ATP6V1H: variants seen among roughly 807,000 people sequenced by gnomAD.
ATP6V1H encodes the protein V-type proton ATPase subunit H.
In ATP6V1H, 39 loss-of-function variants were observed where a neutral mutation model predicts 71.7. The observed-to-expected ratio is 0.54, with a 90% CI of 0.42 to 0.71. The LOEUF is 0.71. Ranked by LOEUF, ATP6V1H falls within the 30% of genes least tolerant of loss-of-function variation. ATP6V1H has a pLI of 0.00. For missense variants in ATP6V1H, 509 were observed against 594.9 expected (o/e 0.86, Z 1.50); for synonymous variants, 192 against 199.3 (o/e 0.96, Z 0.31).
intron 4 of ATP6V1H, among the ~76,000 whole-genome samples, chr8:53,822,767 A>C (rs1445736583): frequency 6.6e-6 from 1 of 152,116 alleles, no homozygotes; most frequent in Non-Finnish European, 1.5e-5. Flanking sequence ...CTTACCTAAA[A>C]CAAAATGATT....
At chr8:53,798,610 A>AACACACACAC (rs59831761) in intron 8 of ATP6V1H, among the ~76,000 whole-genome samples, 53 of 148,566 alleles carry the variant, frequency 3.6e-4, no homozygotes, top group South Asian at 2.1e-3. Flanking sequence ...CAATGTGAGA[A>AACACACACAC]ACACACACAC....
chr8:53,788,410 T>C (rs998100190), intron 9 of ATP6V1H, among the ~76,000 whole-genome samples: 1 of 152,190 alleles, frequency 6.6e-6, no homozygotes, highest in East Asian at 1.9e-4. Context: ...TAGTAACATA[T>C]TCATGCTGTC....
chr8:53,816,656 C>T (rs529662643), intron 5 of ATP6V1H, among the ~76,000 whole-genome samples: 73 of 152,110 alleles, frequency 4.8e-4, no homozygotes, highest in African/African-American at 1.6e-3. Flanking sequence ...ATTAGATGGG[C>T]GTGGTGGCGC....
At chr8:53,782,484 C>A (rs1809187195) in intron 9 of ATP6V1H, among the ~76,000 whole-genome samples, 1 of 151,966 alleles carries the variant, frequency 6.6e-6, no homozygotes, top group Admixed American at 6.5e-5. Context: ...ATGTCATCTG[C>A]AAACAGGGAC....
intron 9 of ATP6V1H, among the ~76,000 whole-genome samples, chr8:53,783,892 C>T (rs977749375): frequency 2.0e-5 from 3 of 152,210 alleles, no homozygotes; most frequent in Non-Finnish European, 2.9e-5. Context: ...TTTGATTGCA[C>T]TGTGGTCTGA....
chr8:53,780,523 A>AT (rs755101229), intron 9 of ATP6V1H, among the ~76,000 whole-genome samples: 6 of 151,508 alleles, frequency 4.0e-5, no homozygotes, highest in Non-Finnish European at 4.4e-5. Context: ...AATATGTTAT[A>AT]TTTTTTTTTC....
chr8:53,735,131 C>T (rs1204715497), intron 13 of ATP6V1H, among the ~76,000 whole-genome samples: 3 of 152,192 alleles, frequency 2.0e-5, no homozygotes, highest in Non-Finnish European at 4.4e-5. Context: ...GCTTATGGAA[C>T]AGCCCCCTTT....
At chr8:53,775,992 G>A (rs1261764167) in intron 9 of ATP6V1H, among the ~76,000 whole-genome samples, 2 of 152,230 alleles carry the variant, frequency 1.3e-5, no homozygotes, top group African/African-American at 2.4e-5. Flanking sequence ...AGGAACCCAC[G>A]GAGGCGGGGA....
At chr8:53,796,805 G>A (rs1394277752) in intron 8 of ATP6V1H, among the ~76,000 whole-genome samples, 2 of 152,098 alleles carry the variant, frequency 1.3e-5, no homozygotes, top group East Asian at 1.9e-4. Flanking sequence ...CTGCACTTTT[G>A]GTTTTTCTGT....
At chr8:53,795,901 A>T (rs894050459) in intron 8 of ATP6V1H, 62 bp from the exon 9 acceptor site, 14 of 1,454,676 alleles carry the variant, frequency 9.6e-6, no homozygotes, top group Non-Finnish European at 1.3e-5. Flanking sequence ...GAAATAAGCA[A>T]TTATTCTCTT....
intron 4 of ATP6V1H, among the ~76,000 whole-genome samples, chr8:53,824,863 T>G (rs1050097139): frequency 1.3e-5 from 2 of 151,932 alleles, no homozygotes; most frequent in Non-Finnish European, 2.9e-5. Context: ...TTACAACTTT[T>G]ATAAATTAGA....
chr8:53,747,027 G>C (rs1394778359), intron 12 of ATP6V1H, among the ~76,000 whole-genome samples: 1 of 152,174 alleles, frequency 6.6e-6, no homozygotes. Context: ...TGCAGCAGCT[G>C]ATGAAACCAA....
chr8:53,762,650 G>C (rs1808307398), intron 11 of ATP6V1H, among the ~76,000 whole-genome samples: 1 of 151,922 alleles, frequency 6.6e-6, no homozygotes, highest in Admixed American at 6.5e-5. Flanking sequence ...ATAGAACAAA[G>C]AATTCATAAA....
intron 3 of ATP6V1H, among the ~76,000 whole-genome samples, chr8:53,830,831 C>A (rs1810981920): frequency 6.6e-6 from 1 of 152,200 alleles, no homozygotes. Context: ...TCTCACCAGG[C>A]ACATGGCAGG....
chr8:53,819,586 A>ATATATAT (rs1585823821), intron 4 of ATP6V1H, among the ~76,000 whole-genome samples: 1 of 113,632 alleles, frequency 8.8e-6, no homozygotes, highest in African/African-American at 3.2e-5. Flanking sequence ...ATATATATAT[A>ATATATAT]AAATACACAC....
In ATP6V1H at chr8:53,800,545, C is replaced by A. The variant is rs140994573; in HGVS notation, c.677+1254G>T. On this transcript the variant is annotated intron_variant, in intron 8 of 13. Coordinates refer to ENST00000359530, the MANE Select transcript of ATP6V1H (RefSeq NM_015941.4). ...TCTCTAGATAGCTATATCATAAATG[C>A]ATTTACTCAAACTCAGGAACTGATA... 2.2e-3 allele frequency among the ~76,000 whole-genome samples: 339 copies of A among 152,236 alleles called. 2 individuals are homozygous for A. The highest frequency in any genetic ancestry group is 7.9e-3 in the African/African-American group (327 of 41,554).
Position 53,785,406 on chromosome 8 carries a change from T to C in ATP6V1H, c.870+10241A>G, listed in dbSNP as rs1809338412. ...AGCTCCATCAGGTCCTTTAAGGACTTCTCTGCATTGGTTATTCTAGTTAGC... is the reference window on the plus strand; with the variant it reads ...AGCTCCATCAGGTCCTTTAAGGACTCCTCTGCATTGGTTATTCTAGTTAGC... On this transcript the variant is annotated intron_variant, in intron 9 of 13. Transcript: ENST00000359530. 2.0e-5 allele frequency among the ~76,000 whole-genome samples: 3 copies of C among 152,240 alleles called. 1 individual carries two copies. The highest frequency in any genetic ancestry group is 2.0e-4 in the Admixed American group (3 of 15,286).
At chr8:53,736,533 T>C (rs1807208684) in intron 13 of ATP6V1H, among the ~76,000 whole-genome samples, 1 of 152,224 alleles carries the variant, frequency 6.6e-6, no homozygotes, top group Non-Finnish European at 1.5e-5. Context: ...AATCATACAG[T>C]TGAAATAATC....
intron 13 of ATP6V1H, among the ~76,000 whole-genome samples, chr8:53,736,061 G>A (rs530300691): frequency 6.6e-5 from 10 of 152,288 alleles, no homozygotes; most frequent in African/African-American, 2.2e-4. Flanking sequence ...CGTCAAACAA[G>A]TAATATAGTT....
Sources: gnomAD v4.1 joint callset for allele counts (sites outside exome capture counted in the v4.1 genomes callset) on GRCh38, gnomAD v4.1.1 for gene constraint, MANE v1.5 for transcripts, NCBI Gene and HGNC (gene_info 2026-07-23, HGNC 2026-07-21) for gene names.